LRRC7: variants seen among roughly 807,000 people sequenced by gnomAD.
LRRC7 encodes leucine rich repeat containing 7.
Under a neutral mutation model 175.7 loss-of-function variants are expected in LRRC7, and 23 were observed. The ratio of observed to expected loss-of-function variants is 0.13; its 90% CI spans 0.09 to 0.19. The LOEUF (loss-of-function observed/expected upper bound fraction) is 0.19, where lower values mean the gene tolerates loss of function less well. Among genes scored for constraint, LRRC7 ranks in the 10% least tolerant of loss-of-function variants. The pLI is 1.00. For missense variants in LRRC7, 1,354 were observed against 1,904.7 expected (o/e 0.71, Z 5.38); for synonymous variants, 685 against 680.9 (o/e 1.01, Z -0.09).
intron 1 of LRRC7, among the ~76,000 whole-genome samples, chr1:69,661,487 T>C (rs972485129): frequency 1.3e-5 from 2 of 152,208 alleles, no homozygotes; most frequent in Non-Finnish European, 1.5e-5. Context: ...CAGTACTCAC[T>C]TGATTAATCG....
intron 3 of LRRC7, among the ~76,000 whole-genome samples, chr1:69,762,553 C>T (rs1452806351): frequency 1.3e-5 from 2 of 151,848 alleles, no homozygotes; most frequent in African/African-American, 4.8e-5. Context: ...TGTGAAGAGT[C>T]TGGAACTGCA....
intron 7 of LRRC7, among the ~76,000 whole-genome samples, chr1:69,909,771 G>C (rs528565585): frequency 6.6e-6 from 1 of 152,002 alleles, no homozygotes; most frequent in Non-Finnish European, 1.5e-5. Context: ...TTCTCGGGGA[G>C]TATCTTTGTG....
chr1:69,736,402 C>T (rs1668119643), intron 2 of LRRC7, among the ~76,000 whole-genome samples: 1 of 152,010 alleles, frequency 6.6e-6, no homozygotes, highest in Admixed American at 6.6e-5. Context: ...TAGCTTTTTA[C>T]ACAAATAAAA....
chr1:70,104,795 G>C lies in LRRC7; in HGVS notation c.4546-2957G>C, dbSNP rs529777158. ...ATTTGTATTCTTTCAGCAGTCAGGT[G>C]TGGAGTGTTGCTAGTTCCTCCCAGC... On this transcript the variant is annotated intron_variant, in intron 25 of 26. Coordinates refer to ENST00000651989, the MANE Select transcript of LRRC7 (RefSeq NM_001370785.2). Among the ~76,000 whole-genome samples, 31 of 152,294 alleles carry C rather than the reference G, an allele frequency of 2.0e-4. No homozygotes were observed. In the South Asian group the frequency reaches 5.2e-3, roughly 25 times the overall value.
chr1:69,999,692 G>A (rs186878385), intron 11 of LRRC7, among the ~76,000 whole-genome samples: 22 of 152,254 alleles, frequency 1.4e-4, no homozygotes, highest in Admixed American at 1.4e-3. Flanking sequence ...TGTCAGTTCT[G>A]GACATCATCT....
intron 25 of LRRC7, among the ~76,000 whole-genome samples, chr1:70,096,611 G>A (rs1382038832): frequency 6.6e-6 from 1 of 151,646 alleles, no homozygotes. Context: ...AAAATCACAC[G>A]TTCCCTTTGT....
intron 4 of LRRC7, among the ~76,000 whole-genome samples, chr1:69,810,789 C>T (rs927923941): frequency 1.3e-5 from 2 of 152,142 alleles, no homozygotes; most frequent in African/African-American, 4.8e-5. Flanking sequence ...AGATTAAAGA[C>T]TTAAATATAA....
rs557444143 is a variant in LRRC7, at chr1:70,132,934, T to A, written c.*11047T>A. On this transcript the variant is annotated 3_prime_UTR_variant, in exon 27 of 27. Transcript: ENST00000651989. ...GGAAGGATTCATGCTATTCTTAAAT[T>A]CCTGGAGCGAAGGGGTGAACATTTC... 4.7e-4 allele frequency among the ~76,000 whole-genome samples: 71 copies of A among 152,244 alleles called. No individual in the cohort carries two copies. The highest frequency in any genetic ancestry group is 1.7e-3 in the African/African-American group (70 of 41,548).
chr1:70,022,452 G>A (rs1390967548), intron 16 of LRRC7: 1 of 152,182 alleles, frequency 6.6e-6, no homozygotes, highest in Non-Finnish European at 1.5e-5. Flanking sequence ...TGGTATATGT[G>A]TCAATGAAAA....
chr1:69,782,409 T>C (rs145490488), intron 3 of LRRC7, among the ~76,000 whole-genome samples: 117 of 152,322 alleles, frequency 7.7e-4, no homozygotes, highest in African/African-American at 2.7e-3. Context: ...AGGTGGAGCA[T>C]GTAAACAGGT....
At position 69,637,755 on chromosome 1, in the gene LRRC7, C is replaced by T. The variant is rs1570098185; in HGVS notation, c.3-40626C>T. 3.3e-5 allele frequency among the ~76,000 whole-genome samples: 5 copies of T among 151,840 alleles called. No homozygotes were observed. The South Asian group carries it at 1.0e-3, about 31-fold the overall frequency. ...GTAACTAATATATTTTACTTAATTA[C>T]ACAGAATCATTTTAATATGTCAACT... On this transcript the variant is annotated intron_variant, in intron 1 of 26. Coordinates refer to ENST00000651989, the MANE Select transcript of LRRC7 (RefSeq NM_001370785.2).
At chr1:69,599,150 A>G (rs201480068) in intron 1 of LRRC7, among the ~76,000 whole-genome samples, 1 of 151,760 alleles carries the variant, frequency 6.6e-6, no homozygotes, top group African/African-American at 2.4e-5. Flanking sequence ...TAAAAAAAAA[A>G]GGGCCAGATA....
At chr1:69,711,518 G>A (rs1796971) in intron 2 of LRRC7, among the ~76,000 whole-genome samples, 103,540 of 152,066 alleles carry the variant, frequency 0.68, 36,083 homozygotes, top group African/African-American at 0.83. Flanking sequence ...CCTAAATCTA[G>A]AACTGTGGTA....
intron 2 of LRRC7, among the ~76,000 whole-genome samples, chr1:69,679,613 A>T (rs1475760757): frequency 6.6e-6 from 1 of 152,114 alleles, no homozygotes; most frequent in African/African-American, 2.4e-5. Context: ...GTTCATGGGC[A>T]TTTATAAGAT....
intron 4 of LRRC7, among the ~76,000 whole-genome samples, chr1:69,818,905 C>A (rs1461176228): frequency 6.6e-6 from 1 of 151,962 alleles, no homozygotes; most frequent in African/African-American, 2.4e-5. Flanking sequence ...GGTATCTTAT[C>A]ATGATTTGTA....
At chr1:69,919,475 A>T in intron 7 of LRRC7, 1 of 987,062 alleles carries the variant, frequency 1.0e-6, no homozygotes, top group Non-Finnish European at 1.6e-6. Flanking sequence ...CCCAGCGGGA[A>T]CAGCAGCAGT....
chr1:69,700,928 C>G (rs113269553), intron 2 of LRRC7, among the ~76,000 whole-genome samples: 1 of 152,046 alleles, frequency 6.6e-6, no homozygotes, highest in Non-Finnish European at 1.5e-5. Flanking sequence ...TCAGACAACC[C>G]GTCAGTAGTC....
chr1:69,912,148 G>T (rs1482444271), intron 7 of LRRC7, among the ~76,000 whole-genome samples: 1 of 152,010 alleles, frequency 6.6e-6, no homozygotes, highest in Non-Finnish European at 1.5e-5. Context: ...TTCCCCCAAG[G>T]ATACTGAGCA....
chr1:70,059,285 A>G (rs1296547355), intron 23 of LRRC7, among the ~76,000 whole-genome samples: 1 of 152,204 alleles, frequency 6.6e-6, no homozygotes, highest in Non-Finnish European at 1.5e-5. Context: ...CAGGATGGAC[A>G]CAGAGGAAGA....
Sources: gnomAD v4.1 joint callset for allele counts (sites outside exome capture counted in the v4.1 genomes callset) on GRCh38, gnomAD v4.1.1 for gene constraint, MANE v1.5 for transcripts, NCBI Gene and HGNC (gene_info 2026-07-23, HGNC 2026-07-21) for gene names.